The following LRP1 variants were observed in gnomAD, a reference collection of about 807,000 sequenced individuals.
LRP1 encodes prolow-density lipoprotein receptor-related protein 1.
A neutral mutation model predicts 541.5 loss-of-function variants in LRP1; 51 were observed. That is an observed-to-expected ratio of 0.09 (90% CI 0.08 to 0.12). The LOEUF is 0.12. Ranked by LOEUF, LRP1 falls within the 10% of genes least tolerant of loss-of-function variation. The probability of loss-of-function intolerance (pLI) is 1.00; values close to 1 mark genes in which losing one functional copy is unlikely to be tolerated. For missense variants in LRP1, 3,878 were observed against 6,376.2 expected (o/e 0.61, Z 13.34); for synonymous variants, 2,219 against 2,470.8 (o/e 0.90, Z 3.02).
Position 57,212,225 on chromosome 12 carries a change from C to T in LRP1, c.13458C>T (p.Gly4486=). 1.2e-6 allele frequency: 2 copies of T among 1,613,860 alleles called. No homozygotes were observed. Among genetic ancestry groups the T allele is most frequent in the Non-Finnish European group, 1.7e-6 (2 of 1,179,976 alleles). ...YEGGEPDDVG[G]LLDADFALDP... Reference sequence around the variant, plus strand: ...GCGGAGAGCCTGATGATGTGGGAGGCCTACTGGACGCTGACTTTGCCCTGG... The same window carrying T: ...GCGGAGAGCCTGATGATGTGGGAGGTCTACTGGACGCTGACTTTGCCCTGG... Residue 4486 remains glycine (G), a synonymous_variant, in exon 88 of 89, where the codon GGC becomes GGT. Transcript: ENST00000243077. The surrounding 1 kb of genome is among the most constrained non-coding windows in gnomAD (Gnocchi z 5.0).
chr12:57,136,575 C>T (rs1371362584), intron 1 of LRP1, among the ~76,000 whole-genome samples: 1 of 152,148 alleles, frequency 6.6e-6, no homozygotes, highest in African/African-American at 2.4e-5. Context: ...TGTGTGCCAG[C>T]AGAATAGAAA....
chr12:57,181,343 C>T, intron 34 of LRP1, 52 bp downstream of exon 34: 2 of 1,564,894 alleles, frequency 1.3e-6, no homozygotes, highest in South Asian at 1.2e-5. Context: ...AACCCTGACC[C>T]CTCCTACCCT....
At chr12:57,145,183 C>T in intron 5 of LRP1, 44 bp from the exon 6 acceptor site, 1 of 1,613,628 alleles carries the variant, frequency 6.2e-7, no homozygotes, top group African/African-American at 1.3e-5. Flanking sequence ...GAGAGGTGGT[C>T]CTAGAGCCCT....
chr12:57,208,082 G>A lies in LRP1; in HGVS notation c.11904G>A (p.Val3968=). The part of the protein sequence containing the change: ...KMPRGIAIDW[V]AGNVYWTDSG... ...CCAGAGGCATCGCCATCGACTGGGT[G>A]GCCGGAAACGTGTACTGGACCGACT... The change falls in exon 77 of 89, where the codon GTG becomes GTA. Residue 3968 remains valine, a synonymous_variant. Coordinates refer to ENST00000243077, the MANE Select transcript of LRP1 (RefSeq NM_002332.3). 6.2e-7 allele frequency: 1 copy of A among 1,614,206 alleles called. No individual in the cohort carries two copies. Among genetic ancestry groups the A allele is most frequent in the South Asian group, 1.1e-5 (1 of 91,082 alleles).
In LRP1 at chr12:57,203,186, C is replaced by T. The variant is rs1446464227; in HGVS notation, c.10717C>T (p.Arg3573Trp). Residue 3573 changes from arginine to tryptophan, a missense_variant, in exon 69 of 89, where the codon CGG becomes TGG. This residue lies in a region of LRP1 where 278 missense variants were observed against 536.3 expected (regional missense o/e 0.52). Transcript: ENST00000243077. The stretch of plus-strand genomic sequence containing the variant: ...TCTCCCCCTGTCCTTCCCAGCCCCT[C>T]GGCCCTGCTCCGAGAGTGAGTTCTC... ...DNSDEESCTP[R>W]PCSESEFSCA... is the part of the protein sequence containing the mutation. 3 of 1,587,112 alleles carry T rather than the reference C, an allele frequency of 1.9e-6. No individual in the cohort carries two copies. The highest frequency in any genetic ancestry group is 2.6e-6 in the Non-Finnish European group (3 of 1,166,342).
At chr12:57,159,757 G>A in intron 11 of LRP1, 68 bp from the exon 12 acceptor site, 1 of 1,537,792 alleles carries the variant, frequency 6.5e-7, no homozygotes, top group South Asian at 1.1e-5. Context: ...GAGTCCGGGA[G>A]GGCCAGAGGC....
chr12:57,144,872 G>A (rs1049329154), intron 4 of LRP1, 100 bp from the exon 5 acceptor site: 5 of 1,191,904 alleles, frequency 4.2e-6, no homozygotes, highest in Non-Finnish European at 6.2e-6. Flanking sequence ...GTCCTTCAAG[G>A]TAGCTGTAAG....
At position 57,203,505 on chromosome 12, in the gene LRP1, G is replaced by T; in HGVS notation, c.10935G>T (p.Glu3645Asp). ...ACTGCATGGACGGCAGCGACGAGGAGGCCTGCGGCACTGGCGGTGCGCCCC... is the reference window on the plus strand; with the variant it reads ...ACTGCATGGACGGCAGCGACGAGGATGCCTGCGGCACTGGCGGTGCGCCCC... Reference protein sequence around the residue: ...DADCMDGSDEEACGTGVRTCP... With the variant: ...DADCMDGSDEDACGTGVRTCP... The change falls in exon 70 of 89, where the codon GAG (glutamate) becomes GAT (aspartate). Residue 3645 changes from glutamate to aspartate, a missense_variant. By Grantham distance (45) the Glu-to-Asp change is conservative. Coordinates refer to ENST00000243077, the MANE Select transcript of LRP1 (RefSeq NM_002332.3). 6.4e-7 allele frequency: 1 copy of T among 1,551,116 alleles called. No individual in the cohort carries two copies.
chr12:57,200,825 T>TGGG lies in LRP1; in HGVS notation c.10225+11_10225+12insGGG. On this transcript the variant is annotated intron_variant, in intron 64 of 88. Coordinates refer to ENST00000243077, the MANE Select transcript of LRP1 (RefSeq NM_002332.3). ...GACGAGGCCAACTGTGGTAAGGCGCTGCCCGCCCACCCTCCCTCCTTCCCC... is the reference window on the plus strand; with the variant it reads ...GACGAGGCCAACTGTGGTAAGGCGCTGGGGCCCGCCCACCCTCCCTCCTTCCCC... The TGGG allele has an allele frequency of 1.7e-5, 27 of 1,595,640 alleles. No individual in the cohort carries two copies. The highest frequency in any genetic ancestry group is 1.7e-4 in the Middle Eastern group (1 of 5,966).
rs183450675 is a variant in LRP1, at chr12:57,167,109, C to T, written c.2914+63C>T. ...GGGGAGGGGCATCCTGAGAGCATGC[C>T]AGTTGGGGGTGCCGGAGACACCTGC... On this transcript the variant is annotated intron_variant, in intron 18 of 88. Coordinates refer to ENST00000243077, the MANE Select transcript of LRP1 (RefSeq NM_002332.3). 8 of 1,402,118 alleles carry T rather than the reference C, an allele frequency of 5.7e-6. No individual in the cohort carries two copies. In the African/African-American group the frequency reaches 8.5e-5, roughly 15 times the overall value. The allele number at this position is 1,402,118 out of a possible 1,614,324, so 86.9% of individuals were successfully genotyped here.
In LRP1 at chr12:57,179,433, G is replaced by A. The variant is rs1267808545; in HGVS notation, c.4843G>A (p.Asp1615Asn). The change falls in exon 29 of 89, where the codon GAC becomes AAC. Residue 1615 changes from aspartate (D) to asparagine (N), a missense_variant. By Grantham distance (23) the Asp-to-Asn change is conservative. Coordinates refer to ENST00000243077, the MANE Select transcript of LRP1 (RefSeq NM_002332.3). The surrounding 1 kb of genome is among the most constrained non-coding windows in gnomAD (Gnocchi z 6.8). ...CATCTCCTTCACGGTGCCCGACATCGACAACGTCACAGTGCTAGACTACGA... is the reference window on the plus strand; with the variant it reads ...CATCTCCTTCACGGTGCCCGACATCAACAACGTCACAGTGCTAGACTACGA... ...YIISFTVPDI[D>N]NVTVLDYDAR... 6.2e-7 allele frequency: 1 copy of A among 1,614,194 alleles called. No homozygotes were observed. Among genetic ancestry groups the A allele is most frequent in the Non-Finnish European group, 8.5e-7 (1 of 1,180,026 alleles).
At position 57,158,584 on chromosome 12, in the gene LRP1, C is replaced by T. The variant is rs2228193; in HGVS notation, c.1744C>T (p.Leu582Phe). 1.2e-5 allele frequency: 19 copies of T among 1,614,202 alleles called. No individual in the cohort carries two copies. Among genetic ancestry groups the T allele is most frequent in the African/African-American group, 4.0e-5 (3 of 75,058 alleles). ...FIYFADTTSY[L>F]IGRQKIDGTE... ...CTACTTTGCCGACACCACCAGCTACCTCATTGGCCGCCAGAAGATTGATGG... is the reference window on the plus strand; with the variant it reads ...CTACTTTGCCGACACCACCAGCTACTTCATTGGCCGCCAGAAGATTGATGG... Residue 582 changes from leucine to phenylalanine, a missense_variant, in exon 11 of 89, where the codon CTC becomes TTC. This residue lies in a region of LRP1 where 496 missense variants were observed against 861.0 expected (regional missense o/e 0.58). Transcript: ENST00000243077. The surrounding 1 kb of genome is among the most constrained non-coding windows in gnomAD (Gnocchi z 5.3).
intron 82 of LRP1, 63 bp from the exon 83 acceptor site, chr12:57,210,655 C>G: frequency 6.4e-7 from 1 of 1,553,150 alleles, no homozygotes; most frequent in Non-Finnish European, 8.8e-7. Context: ...CAGCCCATTC[C>G]TCTGCTATAG....
chr12:57,188,168 G>GAAAGAACC (rs2036305353), intron 42 of LRP1, among the ~76,000 whole-genome samples: 1 of 152,300 alleles, frequency 6.6e-6, no homozygotes, highest in African/African-American at 2.4e-5. Context: ...GGGGGTGGGT[G>GAAAGAACC]CTCCCCCTGG....
Position 57,203,511 on chromosome 12 carries a change from C to T in LRP1, c.10941C>T (p.Cys3647=), listed in dbSNP as rs1170863985. ...TGGACGGCAGCGACGAGGAGGCCTG[C>T]GGCACTGGCGGTGCGCCCCTTGGCT... ...DCMDGSDEEA[C]GTGVRTCPLD... Residue 3647 remains cysteine, a synonymous_variant, in exon 70 of 89, where the codon TGC becomes TGT. Transcript: ENST00000243077. 1.3e-5 allele frequency: 20 copies of T among 1,541,392 alleles called. No homozygotes were observed. The highest frequency in any genetic ancestry group is 2.4e-5 in the South Asian group (2 of 83,822).
Position 57,211,034 on chromosome 12 carries a change from C to G in LRP1, c.12917-142C>G. 1 of 1,367,744 alleles carries G rather than the reference C, an allele frequency of 7.3e-7. No homozygotes were observed. Among genetic ancestry groups the G allele is most frequent in the Non-Finnish European group, 1.0e-6 (1 of 1,004,220 alleles). The allele number at this position is 1,367,744 out of a possible 1,614,324, so 84.7% of individuals were successfully genotyped here. A position where few individuals can be genotyped will look rare whatever the true frequency, so the allele number is the denominator to read the frequency against. ...AGCCAGGCCCAAGCTGCTGGCGCTT[C>G]CCCACAAAGGTGCTGGCACACTTCC... On this transcript the variant is annotated intron_variant, in intron 83 of 88. Transcript: ENST00000243077. The surrounding 1 kb of genome is among the most constrained non-coding windows in gnomAD (Gnocchi z 4.3).
Position 57,189,269 on chromosome 12 carries a change from T to C in LRP1, c.7032-1536T>C, listed in dbSNP as rs1458565420. ...AACCACTTCTCACTGCAGGTGTGAG[T>C]AGTTTCACCTGAGGTGTAGGAGTTC... On this transcript the variant is annotated intron_variant, in intron 42 of 88. Transcript: ENST00000243077. The surrounding 1 kb of genome is among the most constrained non-coding windows in gnomAD (Gnocchi z 4.4). 6.6e-6 allele frequency among the ~76,000 whole-genome samples: 1 copy of C among 151,906 alleles called. No individual in the cohort carries two copies. Among genetic ancestry groups the C allele is most frequent in the Non-Finnish European group, 1.5e-5 (1 of 67,978 alleles).
At chr12:57,149,594 C>T in intron 6 of LRP1, 1 of 702,136 alleles carries the variant, frequency 1.4e-6, no homozygotes, top group South Asian at 1.5e-5. Flanking sequence ...CAGGCATCAT[C>T]CCTGGGATCT....
At chr12:57,134,107 C>T (rs1158871019) in intron 1 of LRP1, among the ~76,000 whole-genome samples, 4 of 143,668 alleles carry the variant, frequency 2.8e-5, no homozygotes, top group African/African-American at 5.0e-5. Context: ...CCCTGGGGAC[C>T]GTGGCTGGGC....
Sources: gnomAD v4.1 joint callset for allele counts (sites outside exome capture counted in the v4.1 genomes callset) on GRCh38, gnomAD v4.1.1 for gene constraint, gnomAD v4.1.1 regional missense constraint, Gnocchi (gnomAD v3.1) non-coding constraint, MANE v1.5 for transcripts, NCBI Gene and HGNC (gene_info 2026-07-23, HGNC 2026-07-21) for gene names.